Variants in MOB3A observed in about 807,000 individuals in gnomAD.
The protein encoded by MOB3A is MOB LAK.
A neutral mutation model predicts 17.8 loss-of-function variants in MOB3A; 17 were observed. That is an observed-to-expected ratio of 0.95 (90% CI 0.65 to 1.43). The LOEUF (loss-of-function observed/expected upper bound fraction) is 1.43, where lower values mean the gene tolerates loss of function less well. Ranked by LOEUF, MOB3A falls within the 40% of genes most tolerant of loss-of-function variation. The pLI, the probability that MOB3A is intolerant of heterozygous loss-of-function variation, is 0.00. For synonymous variants in MOB3A, 124 were observed against 133.2 expected, an observed-to-expected ratio of 0.93 and a Z score of 0.48; for missense variants, 333 against 310.8, an observed-to-expected ratio of 1.07 and a Z score of -0.54.
chr19:2,082,295 C>T lies in MOB3A; in HGVS notation c.-120+2880G>A, dbSNP rs2017498912. Among the ~76,000 whole-genome samples the T allele has an allele frequency of 6.6e-6, 1 of 152,262 alleles. No homozygotes were observed. The highest frequency in any genetic ancestry group is 1.9e-4 in the East Asian group (1 of 5,200). Reference sequence around the variant, plus strand: ...GTTGGATCGTTCTCTGGGGTGGGGCCGTCAGGGGCACTGCAAGGTGCTGAG... The same window carrying T: ...GTTGGATCGTTCTCTGGGGTGGGGCTGTCAGGGGCACTGCAAGGTGCTGAG... On this transcript the variant is annotated intron_variant, in intron 2 of 4. Coordinates refer to ENST00000357066, the MANE Select transcript of MOB3A (RefSeq NM_130807.3). This position sits in a 1 kb window ranked among gnomAD's most constrained non-coding sequence, Gnocchi z 4.1.
intron 4 of MOB3A, among the ~76,000 whole-genome samples, chr19:2,076,546 G>A (rs965313050): frequency 6.6e-6 from 1 of 152,224 alleles, no homozygotes. Flanking sequence ...AGCTCAGGAC[G>A]GTGAAGGCGG....
At chr19:2,087,924 G>C (rs1163295202) in intron 1 of MOB3A, among the ~76,000 whole-genome samples, 1 of 152,244 alleles carries the variant, frequency 6.6e-6, no homozygotes, top group African/African-American at 2.4e-5. Context: ...TTGGCCTCCT[G>C]GATGGCTTCA....
At chr19:2,083,468 TC>T (rs946117971) in intron 2 of MOB3A, among the ~76,000 whole-genome samples, 5 of 152,112 alleles carry the variant, frequency 3.3e-5, no homozygotes, top group Admixed American at 6.5e-5. Flanking sequence ...GCCGGCCACC[TC>T]CAGGCCATGG....
At position 2,073,381 on chromosome 19, in the gene MOB3A, G is replaced by A; in HGVS notation, c.*14C>T. On this transcript the variant is annotated 3_prime_UTR_variant, in exon 5 of 5. Transcript: ENST00000357066. ...CCCAGCGGCGGTTCGGGCACCGGGA[G>A]ACCCGCGGGGCTCTCAGTGGCACAT... The A allele has an allele frequency of 6.2e-7, 1 of 1,613,234 alleles. No homozygotes were observed. Among genetic ancestry groups the A allele is most frequent in the South Asian group, 1.1e-5 (1 of 91,074 alleles).
chr19:2,086,992 T>C (rs1199824590), intron 1 of MOB3A, among the ~76,000 whole-genome samples: 2 of 152,044 alleles, frequency 1.3e-5, no homozygotes, highest in East Asian at 1.9e-4. Flanking sequence ...GGTCTTGCTA[T>C]GTTGTCCAGG....
At position 2,076,882 on chromosome 19, in the gene MOB3A, T is replaced by C. The variant is rs771149865; in HGVS notation, c.553A>G (p.Thr185Ala). 15 of 1,614,096 alleles carry C rather than the reference T, an allele frequency of 9.3e-6. No homozygotes were observed. Among genetic ancestry groups the C allele is most frequent in the Non-Finnish European group, 1.0e-5 (12 of 1,180,044 alleles). Residue 185 changes from threonine (T) to alanine (A), a missense_variant, in exon 4 of 5, where the codon ACC (threonine) becomes GCC (alanine). Thr to Ala is a moderately conservative substitution (Grantham distance 58, BLOSUM62 0). Coordinates refer to ENST00000357066, the MANE Select transcript of MOB3A (RefSeq NM_130807.3). ...AAATAGTAGAAGTGCTTGTAGCAGG[T>C]GTTCACGTGGGCCTCGGAGCCCATC... ...AQMGSEAHVN[T>A]CYKHFYYFVK...
intron 1 of MOB3A, among the ~76,000 whole-genome samples, chr19:2,089,408 C>T (rs953831236): frequency 6.6e-6 from 1 of 152,152 alleles, no homozygotes; most frequent in Non-Finnish European, 1.5e-5. Context: ...GTGGGTCACT[C>T]TCTGGGGAGG....
intron 2 of MOB3A, among the ~76,000 whole-genome samples, chr19:2,084,842 C>T (rs551340186): frequency 6.6e-6 from 1 of 152,038 alleles, no homozygotes; most frequent in Non-Finnish European, 1.5e-5. Flanking sequence ...GCCCGCTTTG[C>T]CCTCCCAAAG....
rs981050657 is a variant in MOB3A, at chr19:2,082,102, C to T, written c.-120+3073G>A. ...AAAGGCCTGAACTTCCCCAGCCCATCCTGGGGCCCTTAGCCACCATCGTCA... is the reference window on the plus strand; with the variant it reads ...AAAGGCCTGAACTTCCCCAGCCCATTCTGGGGCCCTTAGCCACCATCGTCA... On this transcript the variant is annotated intron_variant, in intron 2 of 4. Transcript: ENST00000357066. The surrounding 1 kb of genome is among the most constrained non-coding windows in gnomAD (Gnocchi z 4.1). 6.7e-6 allele frequency among the ~76,000 whole-genome samples: 1 copy of T among 149,714 alleles called. No individual in the cohort carries two copies. Among genetic ancestry groups the T allele is most frequent in the Admixed American group, 6.6e-5 (1 of 15,242 alleles).
chr19:2,090,730 C>A (rs372009067), intron 1 of MOB3A, among the ~76,000 whole-genome samples: 1 of 152,084 alleles, frequency 6.6e-6, no homozygotes, highest in African/African-American at 2.4e-5. Context: ...GTGGCGCGAT[C>A]TCGTCTCACT....
rs117420144 is a variant in MOB3A at position 2,082,278 on chromosome 19, G to A, written c.-120+2897C>T. On this transcript the variant is annotated intron_variant, in intron 2 of 4. Coordinates refer to ENST00000357066, the MANE Select transcript of MOB3A (RefSeq NM_130807.3). This position sits in a 1 kb window ranked among gnomAD's most constrained non-coding sequence, Gnocchi z 4.1. Reference sequence around the variant, plus strand: ...GCTCTGTGGACATCGGGGTTGGATCGTTCTCTGGGGTGGGGCCGTCAGGGG... The same window carrying A: ...GCTCTGTGGACATCGGGGTTGGATCATTCTCTGGGGTGGGGCCGTCAGGGG... Among the ~76,000 whole-genome samples, 3 of 152,350 alleles carry A rather than the reference G, an allele frequency of 2.0e-5. No homozygotes were observed. The highest frequency in any genetic ancestry group is 2.1e-4 in the South Asian group (1 of 4,828).
At chr19:2,076,389 A>G (rs1295100774) in intron 4 of MOB3A, among the ~76,000 whole-genome samples, 2 of 151,104 alleles carry the variant, frequency 1.3e-5, no homozygotes, top group East Asian at 3.9e-4. Context: ...CCGAGATCGC[A>G]CCACTGCACT....
intron 1 of MOB3A, among the ~76,000 whole-genome samples, chr19:2,096,018 A>C (rs2017685872): frequency 6.6e-6 from 1 of 151,678 alleles, no homozygotes; most frequent in Non-Finnish European, 1.5e-5. Flanking sequence ...TGCTGGGATT[A>C]CAGGCGTGAG....
Position 2,077,010 on chromosome 19 carries a change from G to C in MOB3A, c.425C>G (p.Thr142Ser), listed in dbSNP as rs575702897. Reference sequence around the variant, plus strand: ...CTGCAGGAAGTTCTTGGGAAACGGAGTGCCTGCAGGGAGAGGGGTGGGACG... The same window carrying C: ...CTGCAGGAAGTTCTTGGGAAACGGACTGCCTGCAGGGAGAGGGGTGGGACG... ...NEDLFPTNVGTPFPKNFLQTV... is the reference protein window; with the variant it reads ...NEDLFPTNVGSPFPKNFLQTV... Residue 142 changes from threonine to serine, a missense_variant, in exon 4 of 5, where the codon ACT becomes AGT. Coordinates refer to ENST00000357066, the MANE Select transcript of MOB3A (RefSeq NM_130807.3). The C allele has an allele frequency of 3.7e-6, 6 of 1,612,674 alleles. No homozygotes were observed. The East Asian group carries it at 1.1e-4, about 30-fold the overall frequency.
At chr19:2,094,807 C>A (rs1435791110) in intron 1 of MOB3A, among the ~76,000 whole-genome samples, 1 of 152,246 alleles carries the variant, frequency 6.6e-6, no homozygotes, top group African/African-American at 2.4e-5. Context: ...TGAATACGGG[C>A]AGTTTATTGC....
chr19:2,094,405 G>A (rs1363319340), intron 1 of MOB3A, among the ~76,000 whole-genome samples: 1 of 152,094 alleles, frequency 6.6e-6, no homozygotes, highest in East Asian at 1.9e-4. Flanking sequence ...TAAACATCCA[G>A]CTTCCCCTAC....
At chr19:2,089,814 CA>C (rs1223856803) in intron 1 of MOB3A, among the ~76,000 whole-genome samples, 2 of 151,700 alleles carry the variant, frequency 1.3e-5, no homozygotes, top group East Asian at 3.9e-4. Context: ...ACTTGGCATT[CA>C]GGGCTGGATC....
intron 1 of MOB3A, among the ~76,000 whole-genome samples, chr19:2,087,187 C>T (rs1017558309): frequency 6.6e-6 from 1 of 152,234 alleles, no homozygotes; most frequent in African/African-American, 2.4e-5. Context: ...AGCATACTGT[C>T]CTAATTCTCC....
Position 2,080,035 on chromosome 19 carries a change from C to T in MOB3A, c.-119-1356G>A, listed in dbSNP as rs148227026. On this transcript the variant is annotated intron_variant, in intron 2 of 4. Coordinates refer to ENST00000357066, the MANE Select transcript of MOB3A (RefSeq NM_130807.3). ...CCTGGATCACACACCGCGCGTGTGC[C>T]GGGCTCACGCTCACCACGCAGGGCC... Among the ~76,000 whole-genome samples, 1,033 of 152,326 alleles carry T rather than the reference C, an allele frequency of 6.8e-3. 9 individuals are homozygous for T. Among genetic ancestry groups the T allele is most frequent in the African/African-American group, 0.024 (995 of 41,578 alleles).
Sources: gnomAD v4.1 joint callset for allele counts (sites outside exome capture counted in the v4.1 genomes callset) on GRCh38, gnomAD v4.1.1 for gene constraint, Gnocchi (gnomAD v3.1) non-coding constraint, MANE v1.5 for transcripts, NCBI Gene and HGNC (gene_info 2026-07-23, HGNC 2026-07-21) for gene names.